Variants in FOXJ3 observed in about 807,000 individuals in gnomAD.
FOXJ3 encodes forkhead box J3, also known as forkhead box protein J3.
A neutral mutation model predicts 76.1 loss-of-function variants in FOXJ3; 22 were observed. That is an observed-to-expected ratio of 0.29 (90% confidence interval 0.21 to 0.41). The LOEUF (loss-of-function observed/expected upper bound fraction) is 0.41. Ranked by LOEUF, FOXJ3 falls within the 10% of genes least tolerant of loss-of-function variation. The pLI, the probability that FOXJ3 is intolerant of heterozygous loss-of-function variation, is 1.00. For synonymous variants in FOXJ3, 269 were observed against 261.2 expected (o/e 1.03, Z -0.29); for missense variants, 613 against 762.1 (o/e 0.80, Z 2.30).
intron 1 of FOXJ3, among the ~76,000 whole-genome samples, chr1:42,324,364 CTATA>C (rs1655701264): frequency 7.0e-6 from 1 of 142,376 alleles, no homozygotes; most frequent in East Asian, 2.0e-4. Context: ...AACATATATA[CTATA>C]TATACTATAT....
intron 2 of FOXJ3, among the ~76,000 whole-genome samples, chr1:42,286,560 T>A (rs1026300456): frequency 6.6e-6 from 1 of 152,244 alleles, no homozygotes; most frequent in Non-Finnish European, 1.5e-5. Flanking sequence ...GAGAACACCT[T>A]CCAACACATA....
At chr1:42,316,333 C>CTTTTTTTTTTTTTTTTTTTTTTT (rs71065173) in intron 1 of FOXJ3, among the ~76,000 whole-genome samples, 2 of 73,914 alleles carry the variant, frequency 2.7e-5, no homozygotes, top group Non-Finnish European at 5.5e-5. Context: ...TGCATTGGGC[C>CTTTTTTTTTTTTTTTTTTTTTTT]TTTTTTTTTT....
intron 4 of FOXJ3, among the ~76,000 whole-genome samples, chr1:42,236,991 C>T (rs569232950): frequency 2.0e-5 from 3 of 151,988 alleles, no homozygotes; most frequent in Non-Finnish European, 2.9e-5. Context: ...ATGTTTTATT[C>T]GGATTATAAG....
At chr1:42,206,359 TTCTC>T (rs1425615822) in intron 5 of FOXJ3, among the ~76,000 whole-genome samples, 1 of 152,212 alleles carries the variant, frequency 6.6e-6, no homozygotes, top group African/African-American at 2.4e-5. Flanking sequence ...CATTCATTCT[TTCTC>T]TCTTATTGCA....
intron 4 of FOXJ3, among the ~76,000 whole-genome samples, chr1:42,242,283 AC>A (rs1442236868): frequency 6.6e-6 from 1 of 152,094 alleles, no homozygotes; most frequent in Non-Finnish European, 1.5e-5. Flanking sequence ...CTTATTAAAT[AC>A]CAGAAAAGAA....
At chr1:42,218,969 C>T (rs937052802) in intron 5 of FOXJ3, among the ~76,000 whole-genome samples, 2 of 152,202 alleles carry the variant, frequency 1.3e-5, no homozygotes, top group Non-Finnish European at 1.5e-5. Context: ...AATCCACTTA[C>T]ATTTATATAA....
At position 42,179,271 on chromosome 1, in the gene FOXJ3, T is replaced by C. The variant is rs1210920337; in HGVS notation, c.*439A>G. 1 of 152,754 alleles carries C rather than the reference T, an allele frequency of 6.5e-6. No individual in the cohort carries two copies. The highest frequency in any genetic ancestry group is 1.9e-4 in the East Asian group (1 of 5,204). 9.5% of individuals were successfully genotyped at this position (152,754 alleles called of 1,614,324 possible). ...CTGCAGAAAATAGCCTAACAAGGAA[T>C]AAAAACTGACAATAACTTTCAAGAC... On this transcript the variant is annotated 3_prime_UTR_variant, in exon 13 of 13. Transcript: ENST00000361346.
chr1:42,308,030 CA>C (rs1170217141), intron 2 of FOXJ3, among the ~76,000 whole-genome samples: 5 of 152,088 alleles, frequency 3.3e-5, no homozygotes, highest in Non-Finnish European at 5.9e-5. Flanking sequence ...TTCTAACCAA[CA>C]AATTTTTTAT....
rs111860438 is a variant in FOXJ3, at chr1:42,262,409, T to C, written c.444+2706A>G. On this transcript the variant is annotated intron_variant, in intron 4 of 12. Transcript: ENST00000361346. ...TGAGCTGAAGTCTTCAAAGCTTTTTTAAAGCAGTGGAATTTTGTGTTTTCT... is the reference window on the plus strand; with the variant it reads ...TGAGCTGAAGTCTTCAAAGCTTTTTCAAAGCAGTGGAATTTTGTGTTTTCT... Among the ~76,000 whole-genome samples, 11 of 152,342 alleles carry C rather than the reference T, an allele frequency of 7.2e-5. 1 individual carries two copies. Among genetic ancestry groups the C allele is most frequent in the African/African-American group, 2.4e-4 (10 of 41,576 alleles).
intron 11 of FOXJ3, among the ~76,000 whole-genome samples, chr1:42,185,451 G>A (rs1295369997): frequency 6.6e-6 from 1 of 151,418 alleles, no homozygotes; most frequent in African/African-American, 2.4e-5. Context: ...TAGTAGAGAC[G>A]GGGTTTCACC....
intron 2 of FOXJ3, among the ~76,000 whole-genome samples, chr1:42,288,851 T>C (rs572138172): frequency 1.4e-4 from 22 of 152,328 alleles, no homozygotes; most frequent in Admixed American, 9.2e-4. Flanking sequence ...TATAATGTAA[T>C]GCCAATTTTC....
intron 4 of FOXJ3, among the ~76,000 whole-genome samples, chr1:42,228,217 G>C (rs149468568): frequency 1.3e-5 from 2 of 152,012 alleles, no homozygotes; most frequent in Non-Finnish European, 2.9e-5. Context: ...CCAAAATTTA[G>C]AAAGAAAATG....
At chr1:42,219,023 C>T (rs1647126667) in intron 5 of FOXJ3, among the ~76,000 whole-genome samples, 1 of 152,180 alleles carries the variant, frequency 6.6e-6, no homozygotes. Context: ...TAAGTTATAA[C>T]ATACAACTTT....
At chr1:42,294,205 A>G (rs969343907) in intron 2 of FOXJ3, among the ~76,000 whole-genome samples, 4 of 152,174 alleles carry the variant, frequency 2.6e-5, no homozygotes, top group Non-Finnish European at 4.4e-5. Flanking sequence ...TTTCTCAACC[A>G]AAAGTGGATA....
At chr1:42,225,484 C>T (rs343367) in intron 5 of FOXJ3, among the ~76,000 whole-genome samples, 111,469 of 152,084 alleles carry the variant, frequency 0.73, 41,036 homozygotes, top group Admixed American at 0.81. Context: ...AAATTATGTT[C>T]CATAAGAACA....
rs144111451 is a variant in FOXJ3 at position 42,290,049 on chromosome 1, T to C, written c.45-11377A>G. Among the ~76,000 whole-genome samples, 17 of 152,236 alleles carry C rather than the reference T, an allele frequency of 1.1e-4. No homozygotes were observed. In the East Asian group the frequency reaches 2.9e-3, roughly 26 times the overall value. ...TGAGCACATGGTAGAATATGAGTAG[T>C]TGCATCAAGAAAAGGCTATGATGTT... On this transcript the variant is annotated intron_variant, in intron 2 of 12. Transcript: ENST00000361346.
chr1:42,178,177 C>A lies in FOXJ3; in HGVS notation c.*1533G>T, dbSNP rs1334305350. ...AAAGGGACCAAATGTCATGCATACA[C>A]AGACATACAAGACAACAGAAACAGC... is the stretch of plus-strand genomic sequence containing the variant. On this transcript the variant is annotated 3_prime_UTR_variant, in exon 13 of 13. Transcript: ENST00000361346. The A allele has an allele frequency of 6.6e-6, 1 of 152,486 alleles. No individual in the cohort carries two copies. The highest frequency in any genetic ancestry group is 1.9e-4 in the East Asian group (1 of 5,180). The allele number at this position is 152,486 out of a possible 1,614,324, so 9.4% of individuals were successfully genotyped here.
chr1:42,274,949 A>T (rs998859799), intron 3 of FOXJ3, among the ~76,000 whole-genome samples: 1 of 152,150 alleles, frequency 6.6e-6, no homozygotes, highest in African/African-American at 2.4e-5. Context: ...AGAAGGAAAT[A>T]GATGTGCTTA....
chr1:42,191,863 G>T, intron 8 of FOXJ3, 144 bp from the exon 9 acceptor site: 1 of 770,096 alleles, frequency 1.3e-6, no homozygotes, highest in Non-Finnish European at 2.1e-6. Flanking sequence ...AACATCCACT[G>T]CACACTAGGC....
Sources: allele counts gnomAD v4.1 joint callset (sites outside exome capture counted in the v4.1 genomes callset), GRCh38; gene constraint gnomAD v4.1.1; transcripts MANE v1.5; gene names NCBI Gene and HGNC (gene_info 2026-07-23, HGNC 2026-07-21).